The following ANLN variants were observed in gnomAD, a reference collection of about 807,000 sequenced individuals.
ANLN encodes the protein anillin, actin binding protein.
Under a neutral mutation model 135.1 loss-of-function variants are expected in ANLN, and 59 were observed. The ratio of observed to expected loss-of-function variants is 0.44; its 90% CI spans 0.35 to 0.54. The LOEUF is 0.54. Ranked by LOEUF, ANLN falls within the 20% of genes least tolerant of loss-of-function variation. The probability of loss-of-function intolerance (pLI) is 0.00; values close to 1 mark genes in which losing one functional copy is unlikely to be tolerated. For missense variants in ANLN, 1,182 were observed against 1,340.0 expected, an observed-to-expected ratio of 0.88 and a Z score of 1.84; for synonymous variants, 406 against 456.4, an observed-to-expected ratio of 0.89 and a Z score of 1.41.
At chr7:36,392,833 TTTG>T (rs1404366548) in intron 1 of ANLN, among the ~76,000 whole-genome samples, 1 of 152,080 alleles carries the variant, frequency 6.6e-6, no homozygotes, top group Non-Finnish European at 1.5e-5. Context: ...ATCACATTCT[TTTG>T]TTGTGACCTA....
rs1267852953 is a variant in ANLN, at chr7:36,452,508, C to T, written c.3283C>T (p.Arg1095Trp). 6.8e-6 allele frequency: 11 copies of T among 1,613,884 alleles called. No individual in the cohort carries two copies. Among genetic ancestry groups the T allele is most frequent in the Non-Finnish European group, 7.6e-6 (9 of 1,179,936 alleles). The change falls in exon 24 of 24, where the codon CGG becomes TGG. Residue 1095 changes from arginine to tryptophan, a missense_variant. This residue lies in a region of ANLN where 78 missense variants were observed against 72.7 expected (regional missense o/e 1.07). Transcript: ENST00000265748. ...NWLSADTKEE[R>W]DLWMQKLNQV... ...GCTGTCTGCAGATACTAAAGAAGAG[C>T]GGGATCTCTGGATGCAAAAACTCAA...
At chr7:36,392,096 C>A (rs1786499373) in intron 1 of ANLN, among the ~76,000 whole-genome samples, 5 of 152,124 alleles carry the variant, frequency 3.3e-5, no homozygotes, top group Admixed American at 3.3e-4. Flanking sequence ...TGAAGTGTAC[C>A]AATCCAGAAC....
intron 7 of ANLN, among the ~76,000 whole-genome samples, chr7:36,413,805 A>T (rs1290400127): frequency 3.3e-5 from 5 of 152,114 alleles, no homozygotes; most frequent in African/African-American, 1.2e-4. Context: ...AACCTGGCCA[A>T]CATGGTGAAA....
chr7:36,444,718 A>G (rs1012139320), intron 22 of ANLN, among the ~76,000 whole-genome samples: 22 of 152,200 alleles, frequency 1.4e-4, no homozygotes, highest in African/African-American at 4.8e-4. Flanking sequence ...TATTGTTCAT[A>G]TTTTGGTTAG....
intron 3 of ANLN, 116 bp from the exon 4 acceptor site, chr7:36,406,065 A>T: frequency 1.1e-6 from 1 of 924,718 alleles, no homozygotes; most frequent in Non-Finnish European, 1.5e-6. Context: ...AGAACTTTTC[A>T]CTGGTTCTTA....
At position 36,421,989 on chromosome 7, in the gene ANLN, G is replaced by A; in HGVS notation, c.2296G>A (p.Ala766Thr). Reference protein sequence around the residue: ...EAEAERLLLIATGKRTLLIDE... With the variant: ...EAEAERLLLITTGKRTLLIDE... ...TGAAGCAGAAAGACTTCTTCTAATT[G>A]CAAGTAAGTGTGATGCACCTGAAAG... The change falls in exon 13 of 24, where the codon GCA (alanine) becomes ACA (threonine). Residue 766 changes from alanine to threonine, a missense_variant. Around this residue, in one of 3 missense-constraint regions of ANLN, gnomAD observed 1,022 missense variants for 1,134.0 expected, o/e 0.90. Coordinates refer to ENST00000265748, the MANE Select transcript of ANLN (RefSeq NM_018685.5). 6.2e-7 allele frequency: 1 copy of A among 1,611,620 alleles called. No homozygotes were observed. Among genetic ancestry groups the A allele is most frequent in the Non-Finnish European group, 8.5e-7 (1 of 1,179,182 alleles).
chr7:36,406,635 T>C, intron 4 of ANLN, 69 bp downstream of exon 4: 2 of 1,351,072 alleles, frequency 1.5e-6, no homozygotes, highest in Non-Finnish European at 9.7e-7. Context: ...AATACATCTG[T>C]GTGTATGTGC....
chr7:36,435,567 C>G (rs571877465), intron 20 of ANLN, among the ~76,000 whole-genome samples: 7 of 151,972 alleles, frequency 4.6e-5, no homozygotes, highest in African/African-American at 1.7e-4. Flanking sequence ...TTTTGCTCAG[C>G]GTGATGTTTT....
At chr7:36,407,026 T>C (rs1168365153) in intron 4 of ANLN, among the ~76,000 whole-genome samples, 1 of 152,242 alleles carries the variant, frequency 6.6e-6, no homozygotes, top group Non-Finnish European at 1.5e-5. Context: ...CCTTTTGAAA[T>C]GTTTGAAACT....
rs373872174 is a variant in ANLN, at chr7:36,411,159, C to A, written c.1388C>A (p.Thr463Asn). The change falls in exon 7 of 24, where the codon ACC becomes AAC. Residue 463 changes from threonine to asparagine, a missense_variant. Thr to Asn is a moderately conservative substitution (Grantham distance 65). This residue lies in a region of ANLN where 1,022 missense variants were observed against 1,134.0 expected (regional missense o/e 0.90). Transcript: ENST00000265748. ...AACTCAAAAAGCAAACAACTAGAAA[C>A]CAAACAGGTAATGTAAACAAGAAAT... ...GGNSKSKQLE[T>N]KQETHCQSTP... is the part of the protein sequence containing the mutation. 2.1e-5 allele frequency: 34 copies of A among 1,603,270 alleles called. No individual in the cohort carries two copies. The highest frequency in any genetic ancestry group is 2.7e-5 in the Non-Finnish European group (32 of 1,177,404).
At chr7:36,426,142 A>C (rs754979384) in intron 19 of ANLN, 106 bp downstream of exon 19, 2 of 817,386 alleles carry the variant, frequency 2.4e-6, no homozygotes, top group Non-Finnish European at 3.7e-6. Flanking sequence ...GTTTACCTTG[A>C]TCTCCTTTGG....
chr7:36,427,976 A>G (rs1030146966), intron 20 of ANLN, among the ~76,000 whole-genome samples: 1 of 152,182 alleles, frequency 6.6e-6, no homozygotes, highest in East Asian at 1.9e-4. Flanking sequence ...GAAGAAGTGT[A>G]AAAATTAGAA....
intron 22 of ANLN, among the ~76,000 whole-genome samples, chr7:36,448,268 A>G (rs556648760): frequency 9.2e-5 from 14 of 152,010 alleles, no homozygotes; most frequent in African/African-American, 3.4e-4. Context: ...GCCTGCCTCC[A>G]CCTCCTGAAG....
chr7:36,425,318 G>A (rs1178368799), intron 17 of ANLN, among the ~76,000 whole-genome samples: 8 of 134,024 alleles, frequency 6.0e-5, no homozygotes, highest in Admixed American at 1.7e-4. Context: ...TTTTTGAGAC[G>A]GAGTCTCGCT....
At position 36,428,974 on chromosome 7, in the gene ANLN, T is replaced by A. The variant is rs974877980; in HGVS notation, c.2883+1946T>A. Among the ~76,000 whole-genome samples the A allele has an allele frequency of 3.9e-5, 6 of 152,086 alleles. No homozygotes were observed. In the East Asian group the frequency reaches 1.2e-3, roughly 29 times the overall value. On this transcript the variant is annotated intron_variant, in intron 20 of 23. Coordinates refer to ENST00000265748, the MANE Select transcript of ANLN (RefSeq NM_018685.5). ...TTGTATTTTTAGTAGAGGCAGGGTT[T>A]CACCATATTGGCCAGGCTGGTCTCG...
At chr7:36,429,021 A>G (rs1788206190) in intron 20 of ANLN, among the ~76,000 whole-genome samples, 1 of 151,878 alleles carries the variant, frequency 6.6e-6, no homozygotes, top group African/African-American at 2.4e-5. Context: ...TCAAGTGATC[A>G]GCCCTCCTTG....
In ANLN at chr7:36,421,691, A is replaced by T. The variant is rs375578194; in HGVS notation, c.2164-166A>T. 8.1e-4 allele frequency among the ~76,000 whole-genome samples: 124 copies of T among 152,372 alleles called. 1 individual carries two copies. In the South Asian group the frequency reaches 0.024, roughly 30 times the overall value. Reference sequence around the variant, plus strand: ...ATAGCTTAATTATTGTAACATGCTAAATGTTTTTGGTGCATAGTCGAGAAA... The same window carrying T: ...ATAGCTTAATTATTGTAACATGCTATATGTTTTTGGTGCATAGTCGAGAAA... On this transcript the variant is annotated intron_variant, in intron 12 of 23. Coordinates refer to ENST00000265748, the MANE Select transcript of ANLN (RefSeq NM_018685.5).
At chr7:36,444,880 G>A (rs1788925260) in intron 22 of ANLN, among the ~76,000 whole-genome samples, 1 of 151,932 alleles carries the variant, frequency 6.6e-6, no homozygotes, top group Admixed American at 6.6e-5. Flanking sequence ...GTCTAATGCT[G>A]TGTTGGATAG....
intron 21 of ANLN, 58 bp downstream of exon 21, chr7:36,439,348 T>G (rs1225665832): frequency 4.1e-6 from 4 of 983,668 alleles, no homozygotes; most frequent in Non-Finnish European, 6.1e-6. Context: ...AATACAGACT[T>G]GTTTCCCATA....
Sources: gnomAD v4.1 joint callset for allele counts (sites outside exome capture counted in the v4.1 genomes callset) on GRCh38, gnomAD v4.1.1 for gene constraint, gnomAD v4.1.1 regional missense constraint, MANE v1.5 for transcripts, NCBI Gene and HGNC (gene_info 2026-07-23, HGNC 2026-07-21) for gene names.